The following TMEM131 variants were observed in gnomAD, a reference collection of about 807,000 sequenced individuals.
The protein encoded by TMEM131 is 2610524E03Rik.
A neutral mutation model predicts 211.6 loss-of-function variants in TMEM131; 66 were observed. The ratio of observed to expected loss-of-function variants is 0.31; its 90% confidence interval spans 0.26 to 0.38. TMEM131 has a LOEUF of 0.38. Among genes scored for constraint, TMEM131 ranks in the 10% least tolerant of loss-of-function variants. The probability of loss-of-function intolerance (pLI) is 1.00; values close to 1 mark genes in which losing one functional copy is unlikely to be tolerated. For missense variants in TMEM131, 2,036 were observed against 2,299.3 expected (o/e 0.89, Z 2.34); for synonymous variants, 844 against 841.3 (o/e 1.00, Z -0.06).
rs1369107944 is a variant in TMEM131, at chr2:97,760,860, G to A, written c.4944C>T (p.Ala1648=). 2.5e-5 allele frequency: 40 copies of A among 1,613,902 alleles called. No homozygotes were observed. Among genetic ancestry groups the A allele is most frequent in the Non-Finnish European group, 3.0e-5 (35 of 1,179,910 alleles). ...NGSKHKLTKA[A]SLPGKNGNPT... is the part of the protein sequence containing the mutation. ...GGTTGCCGTTCTTGCCCGGGAGCGAGGCTGCCTTTGTCAACTTGTGTTTGC... is the reference window on the plus strand; with the variant it reads ...GGTTGCCGTTCTTGCCCGGGAGCGAAGCTGCCTTTGTCAACTTGTGTTTGC... Residue 1648 remains alanine, a synonymous_variant, in exon 37 of 41, where the codon GCC becomes GCT. Transcript: ENST00000186436.
chr2:97,944,074 C>CA lies in TMEM131; in HGVS notation c.188-16588dup, dbSNP rs1431615222. On this transcript the variant is annotated intron_variant, in intron 1 of 40. Coordinates refer to ENST00000186436, the MANE Select transcript of TMEM131 (RefSeq NM_015348.2). ...TCCAGCCTGGCGACAGAGCAAGACT[C>CA]AGACTAAAAATAAAAATAAATAAAT... Among the ~76,000 whole-genome samples, 23 of 152,108 alleles carry CA rather than the reference C, an allele frequency of 1.5e-4. No individual in the cohort carries two copies. The East Asian group carries it at 4.4e-3, about 29-fold the overall frequency.
intron 1 of TMEM131, among the ~76,000 whole-genome samples, chr2:97,944,089 A>G (rs1043157250): frequency 6.6e-6 from 1 of 152,162 alleles, no homozygotes; most frequent in Non-Finnish European, 1.5e-5. Flanking sequence ...TAAAAATAAA[A>G]ATAAATAAAT....
At chr2:97,906,599 C>A (rs1289288887) in intron 3 of TMEM131, among the ~76,000 whole-genome samples, 2 of 152,190 alleles carry the variant, frequency 1.3e-5, no homozygotes, top group African/African-American at 4.8e-5. Flanking sequence ...TGGAGTCCAG[C>A]CATCATACTA....
chr2:97,929,729 T>G (rs1280905970), intron 1 of TMEM131, among the ~76,000 whole-genome samples: 4 of 151,874 alleles, frequency 2.6e-5, no homozygotes, highest in Admixed American at 2.6e-4. Flanking sequence ...CTAACCAGTC[T>G]GTGGCATATA....
At chr2:97,980,618 G>GA (rs1272246037) in intron 1 of TMEM131, among the ~76,000 whole-genome samples, 1 of 152,116 alleles carries the variant, frequency 6.6e-6, no homozygotes, top group East Asian at 1.9e-4. Context: ...ACTTACACAT[G>GA]AATGTTCAAA....
intron 27 of TMEM131, 99 bp from the exon 28 acceptor site, chr2:97,796,503 G>A (rs1314097110): frequency 2.6e-6 from 2 of 771,560 alleles, no homozygotes; most frequent in African/African-American, 3.6e-5. Flanking sequence ...TATGTCACAG[G>A]TTATAAACCA....
At chr2:97,882,293 G>A (rs992229614) in intron 4 of TMEM131, among the ~76,000 whole-genome samples, 4 of 152,192 alleles carry the variant, frequency 2.6e-5, no homozygotes, top group Non-Finnish European at 4.4e-5. Flanking sequence ...AGAGACAGAA[G>A]AGAAAAGTGA....
intron 35 of TMEM131, 102 bp downstream of exon 35, chr2:97,766,012 A>T (rs1428969097): frequency 6.9e-7 from 1 of 1,449,866 alleles, no homozygotes; most frequent in Non-Finnish European, 9.4e-7. Context: ...AAGCACTGTC[A>T]ATGGGTATTT....
chr2:97,853,282 C>T (rs1673699754), intron 5 of TMEM131, among the ~76,000 whole-genome samples: 1 of 152,088 alleles, frequency 6.6e-6, no homozygotes, highest in Non-Finnish European at 1.5e-5. Flanking sequence ...GGAAATGAGT[C>T]ACCATTCTAA....
At position 97,757,096 on chromosome 2, in the gene TMEM131, A is replaced by G; in HGVS notation, c.*3T>C. 6.4e-7 allele frequency: 1 copy of G among 1,574,752 alleles called. No individual in the cohort carries two copies. Among genetic ancestry groups the G allele is most frequent in the Non-Finnish European group, 8.6e-7 (1 of 1,157,678 alleles). The stretch of plus-strand genomic sequence containing the variant: ...CACTATGTTTGTTTGTTTTTTGCTT[A>G]ATTTAATTCTCGTGAGGAAAGTGCG... On this transcript the variant is annotated 3_prime_UTR_variant, in exon 41 of 41. Coordinates refer to ENST00000186436, the MANE Select transcript of TMEM131 (RefSeq NM_015348.2).
rs754206707 is a variant in TMEM131, at chr2:97,760,709, A to G, written c.5012-20T>C. On this transcript the variant is annotated intron_variant, in intron 37 of 40. Transcript: ENST00000186436. The stretch of plus-strand genomic sequence containing the variant: ...TCCCACCTGTAACAATGGACGTTCA[A>G]TCAATGGAAGGCACATTAGGACAGA... 5.0e-6 allele frequency: 8 copies of G among 1,613,900 alleles called. No homozygotes were observed. The highest frequency in any genetic ancestry group is 6.8e-6 in the Non-Finnish European group (8 of 1,179,900).
At chr2:97,889,563 C>G (rs1400672277) in intron 3 of TMEM131, among the ~76,000 whole-genome samples, 2 of 148,012 alleles carry the variant, frequency 1.4e-5, no homozygotes, top group Admixed American at 1.4e-4. Context: ...TATTATATTC[C>G]TATATATAAT....
intron 3 of TMEM131, among the ~76,000 whole-genome samples, chr2:97,902,512 C>T (rs1675897296): frequency 6.6e-6 from 1 of 152,076 alleles, no homozygotes; most frequent in South Asian, 2.1e-4. Context: ...TACACAGATA[C>T]AAGAATAGGA....
chr2:97,936,177 A>C (rs1013506106), intron 1 of TMEM131, among the ~76,000 whole-genome samples: 7 of 152,234 alleles, frequency 4.6e-5, no homozygotes, highest in Non-Finnish European at 8.8e-5. Flanking sequence ...ATTTTTAAAA[A>C]TTTGGCTGCA....
chr2:97,995,213 GC>G (rs1163859144), intron 1 of TMEM131, among the ~76,000 whole-genome samples: 2 of 152,244 alleles, frequency 1.3e-5, no homozygotes, highest in African/African-American at 2.4e-5. Context: ...TACCTAGCGG[GC>G]CAAGTGGCAA....
chr2:97,891,008 T>TGA (rs2104277901), intron 3 of TMEM131, among the ~76,000 whole-genome samples: 1 of 152,120 alleles, frequency 6.6e-6, no homozygotes, highest in South Asian at 2.1e-4. Context: ...AATATCCGAG[T>TGA]GAGTACGATA....
intron 2 of TMEM131, among the ~76,000 whole-genome samples, chr2:97,910,183 A>G (rs1449087971): frequency 1.3e-5 from 2 of 151,788 alleles, no homozygotes; most frequent in Non-Finnish European, 2.9e-5. Context: ...ATACCACTTC[A>G]TACCTGTTTG....
Position 97,766,689 on chromosome 2 carries a change from A to G in TMEM131, c.4449-87T>C, listed in dbSNP as rs183973923. The G allele has an allele frequency of 1.2e-4, 176 of 1,503,244 alleles. No homozygotes were observed. The African/African-American group carries it at 2.2e-3, about 19-fold the overall frequency. 93.1% of individuals were successfully genotyped at this position (1,503,244 alleles called of 1,614,324 possible). The stretch of plus-strand genomic sequence containing the variant: ...ATTAAGATTGTAATTCTTCTACAAT[A>G]CAACTGCATGCAGGAAGCTAATGTG... On this transcript the variant is annotated intron_variant, in intron 33 of 40. Coordinates refer to ENST00000186436, the MANE Select transcript of TMEM131 (RefSeq NM_015348.2).
rs763266549 is a variant in TMEM131, at chr2:97,793,488, C to T, written c.3452G>A (p.Arg1151Gln). The change falls in exon 30 of 41, where the codon CGA (arginine) becomes CAA (glutamine). Residue 1151 changes from arginine (R) to glutamine (Q), a missense_variant. Arg to Gln is a conservative substitution (Grantham distance 43). Around this residue, in one of 3 missense-constraint regions of TMEM131, gnomAD observed 1,623 missense variants for 1,805.9 expected, o/e 0.90. Coordinates refer to ENST00000186436, the MANE Select transcript of TMEM131 (RefSeq NM_015348.2). ...LEAQGIWEPFRRRLSFEASNP... is the reference protein window; with the variant it reads ...LEAQGIWEPFQRRLSFEASNP... ...CGAGGCCTCAAAGGATAGCCGCCTTCGAAATGGCTCCCATATTCCTTGAGC... is the reference window on the plus strand; with the variant it reads ...CGAGGCCTCAAAGGATAGCCGCCTTTGAAATGGCTCCCATATTCCTTGAGC... The T allele has an allele frequency of 2.0e-5, 32 of 1,613,778 alleles. No homozygotes were observed. The highest frequency in any genetic ancestry group is 6.7e-5 in the East Asian group (3 of 44,892).
Sources: gnomAD v4.1 joint callset for allele counts (sites outside exome capture counted in the v4.1 genomes callset) on GRCh38, gnomAD v4.1.1 for gene constraint, gnomAD v4.1.1 regional missense constraint, MANE v1.5 for transcripts, NCBI Gene and HGNC (gene_info 2026-07-23, HGNC 2026-07-21) for gene names.